The following XYLT1 variants were observed in gnomAD, a reference collection of about 807,000 sequenced individuals.
The protein encoded by XYLT1 is xylosyltransferase 1.
A neutral mutation model predicts 91.3 loss-of-function variants in XYLT1; 36 were observed. That is an observed-to-expected ratio of 0.39 (90% CI 0.30 to 0.52). The LOEUF (loss-of-function observed/expected upper bound fraction) is 0.52, where lower values mean the gene tolerates loss of function less well. Among genes scored for constraint, XYLT1 ranks in the 20% least tolerant of loss-of-function variants. The pLI, the probability that XYLT1 is intolerant of heterozygous loss-of-function variation, is 0.68. For synonymous variants in XYLT1, 588 were observed against 532.0 expected (o/e 1.11, Z -1.45); for missense variants, 1,242 against 1,284.5 (o/e 0.97, Z 0.51).
chr16:17,350,635 C>CG (rs1172560376), intron 2 of XYLT1, among the ~76,000 whole-genome samples: 6 of 152,086 alleles, frequency 3.9e-5, no homozygotes, highest in Admixed American at 2.6e-4. Context: ...AGGAGGCTGA[C>CG]GGGGGAAAAA....
At chr16:17,181,457 G>C (rs946166273) in intron 5 of XYLT1, among the ~76,000 whole-genome samples, 1 of 152,202 alleles carries the variant, frequency 6.6e-6, no homozygotes, top group Non-Finnish European at 1.5e-5. Context: ...AATTATCATT[G>C]TCATCACTAC....
At chr16:17,400,985 TACACACACACACACAC>T (rs71373111) in intron 1 of XYLT1, among the ~76,000 whole-genome samples, 1 of 148,682 alleles carries the variant, frequency 6.7e-6, no homozygotes, top group Non-Finnish European at 1.5e-5. Flanking sequence ...CTCTCTTTCA[TACACACACACACACAC>T]ACACACACAC....
rs67480834 is a variant in XYLT1, at chr16:17,300,452, C to CTTTTTTTTTTTTTTTTTT, written c.403-40972_403-40955dup. On this transcript the variant is annotated intron_variant, in intron 2 of 11. Transcript: ENST00000261381. ...CAGCTATTTCTTTCTTTCATTCTTT[C>CTTTTTTTTTTTTTTTTTT]TTTTTTTTTTTTTTTTTTTTTTGAG... Among the ~76,000 whole-genome samples the CTTTTTTTTTTTTTTTTTT allele has an allele frequency of 1.6e-3, 101 of 64,832 alleles. 11 individuals are homozygous for CTTTTTTTTTTTTTTTTTT. Among genetic ancestry groups the CTTTTTTTTTTTTTTTTTT allele is most frequent in the African/African-American group, 5.2e-3 (84 of 16,058 alleles). 42.5% of individuals were successfully genotyped at this position (64,832 alleles called of 152,430 possible).
intron 2 of XYLT1, among the ~76,000 whole-genome samples, chr16:17,274,652 G>A (rs930061317): frequency 3.3e-5 from 5 of 152,144 alleles, no homozygotes; most frequent in African/African-American, 1.2e-4. Context: ...GGGGTCCAAG[G>A]AGAATGGAGG....
intron 1 of XYLT1, among the ~76,000 whole-genome samples, chr16:17,374,710 T>C (rs918481909): frequency 1.3e-5 from 2 of 150,990 alleles, no homozygotes; most frequent in Non-Finnish European, 2.9e-5. Context: ...CTGTCTAAAA[T>C]AGAAGGACAA....
chr16:17,200,728 T>C, intron 3 of XYLT1, 74 bp from the exon 4 acceptor site: 1 of 1,543,516 alleles, frequency 6.5e-7, no homozygotes, highest in Non-Finnish European at 8.9e-7. Context: ...GAAGTTTCTC[T>C]GGTGCTTCTT....
At chr16:17,188,598 G>C (rs1232399052) in intron 5 of XYLT1, among the ~76,000 whole-genome samples, 1 of 152,184 alleles carries the variant, frequency 6.6e-6, no homozygotes, top group African/African-American at 2.4e-5. Flanking sequence ...CAGTCCATGT[G>C]AGATTCCTTT....
chr16:17,446,932 A>C (rs2036598568), intron 1 of XYLT1, among the ~76,000 whole-genome samples: 1 of 151,848 alleles, frequency 6.6e-6, no homozygotes, highest in South Asian at 2.1e-4. Context: ...GGAGCCCAAG[A>C]GGGACCTCTG....
rs1228886348 is a variant in XYLT1, at chr16:17,106,156, T to C, written c.*2539A>G. 3 of 152,080 alleles carry C rather than the reference T, an allele frequency of 2.0e-5. No individual in the cohort carries two copies. The highest frequency in any genetic ancestry group is 7.2e-5 in the African/African-American group (3 of 41,408). 9.4% of individuals were successfully genotyped at this position (152,080 alleles called of 1,614,324 possible). On this transcript the variant is annotated 3_prime_UTR_variant, in exon 12 of 12. Coordinates refer to ENST00000261381, the MANE Select transcript of XYLT1 (RefSeq NM_022166.4). ...GGATAAAAACAAAAAAAGGCAGACATGTTAGTGGGTGCAGGAGGGGCCCCA... is the reference window on the plus strand; with the variant it reads ...GGATAAAAACAAAAAAAGGCAGACACGTTAGTGGGTGCAGGAGGGGCCCCA...
At chr16:17,465,054 G>C (rs2036872316) in intron 1 of XYLT1, among the ~76,000 whole-genome samples, 1 of 130,306 alleles carries the variant, frequency 7.7e-6, no homozygotes, top group African/African-American at 2.9e-5. Context: ...TGAGGCACAA[G>C]AATTGCTTGA....
intron 1 of XYLT1, among the ~76,000 whole-genome samples, chr16:17,469,616 C>G (rs2036951419): frequency 6.6e-6 from 1 of 152,228 alleles, no homozygotes; most frequent in Non-Finnish European, 1.5e-5. Flanking sequence ...TTTCAGAGCC[C>G]TGACTGTTCA....
chr16:17,284,388 A>T (rs1464940455), intron 2 of XYLT1, among the ~76,000 whole-genome samples: 1 of 152,250 alleles, frequency 6.6e-6, no homozygotes, highest in Non-Finnish European at 1.5e-5. Flanking sequence ...CCCTAATGGA[A>T]CTTACATTCT....
At chr16:17,433,968 T>C (rs977861359) in intron 1 of XYLT1, among the ~76,000 whole-genome samples, 10 of 152,198 alleles carry the variant, frequency 6.6e-5, no homozygotes, top group African/African-American at 2.4e-4. Flanking sequence ...TCTGATCCTT[T>C]CGAGAAATCC....
chr16:17,188,925 G>C (rs1400305794), intron 5 of XYLT1, among the ~76,000 whole-genome samples: 1 of 152,186 alleles, frequency 6.6e-6, no homozygotes, highest in East Asian at 1.9e-4. Flanking sequence ...AGGTGGACTG[G>C]CTCCAGCCTG....
At chr16:17,154,183 TA>T (rs1433950817) in intron 6 of XYLT1, among the ~76,000 whole-genome samples, 6 of 152,198 alleles carry the variant, frequency 3.9e-5, no homozygotes, top group African/African-American at 1.4e-4. Flanking sequence ...TTGAATTTTA[TA>T]AAGATGGAGA....
At chr16:17,223,179 G>A (rs1392883465) in intron 3 of XYLT1, among the ~76,000 whole-genome samples, 3 of 152,186 alleles carry the variant, frequency 2.0e-5, no homozygotes, top group Non-Finnish European at 2.9e-5. Flanking sequence ...CTCCCGCTGT[G>A]CCCCGTATCC....
chr16:17,361,888 C>G (rs1567393025), intron 1 of XYLT1, among the ~76,000 whole-genome samples: 1 of 152,212 alleles, frequency 6.6e-6, no homozygotes, highest in Non-Finnish European at 1.5e-5. Context: ...TTGTTAAGTT[C>G]TCACTATGTT....
chr16:17,110,391 A>G (rs931831031), intron 11 of XYLT1, among the ~76,000 whole-genome samples: 2 of 152,156 alleles, frequency 1.3e-5, no homozygotes, highest in African/African-American at 4.8e-5. Flanking sequence ...AGTTTTTGCC[A>G]TGTTGTTCTT....
chr16:17,394,763 T>C (rs34112287), intron 1 of XYLT1, among the ~76,000 whole-genome samples: 24,507 of 152,190 alleles, frequency 0.16, 2,220 homozygotes, highest in Middle Eastern at 0.23. Flanking sequence ...AGTTTACCTA[T>C]AGGCAAAAGG....
Sources: allele counts gnomAD v4.1 joint callset (sites outside exome capture counted in the v4.1 genomes callset), GRCh38; gene constraint gnomAD v4.1.1; transcripts MANE v1.5; gene names NCBI Gene and HGNC (gene_info 2026-07-23, HGNC 2026-07-21).